The following DYM variants were observed in gnomAD, a reference collection of about 807,000 sequenced individuals.
DYM encodes dymeclin, also known as dyggve-Melchior-Clausen syndrome protein.
A neutral mutation model predicts 93.1 loss-of-function variants in DYM; 78 were observed. The observed-to-expected ratio is 0.84, with a 90% confidence interval of 0.70 to 1.01. The LOEUF (loss-of-function observed/expected upper bound fraction) is 1.01, where lower values mean the gene tolerates loss of function less well. Ranked by LOEUF, DYM falls within the 50% of genes least tolerant of loss-of-function variation. The pLI, the probability that DYM is intolerant of heterozygous loss-of-function variation, is 0.00. For synonymous variants in DYM, 321 were observed against 319.7 expected (o/e 1.00, Z -0.04); for missense variants, 789 against 845.0 (o/e 0.93, Z 0.82).
At chr18:49,292,972 C>T (rs2060260848) in intron 8 of DYM, among the ~76,000 whole-genome samples, 1 of 152,008 alleles carries the variant, frequency 6.6e-6, no homozygotes, top group Non-Finnish European at 1.5e-5. Flanking sequence ...CTATCCCCTC[C>T]TCTAGCCCCT....
chr18:49,390,093 C>T (rs771095762), intron 3 of DYM, among the ~76,000 whole-genome samples: 1 of 152,100 alleles, frequency 6.6e-6, no homozygotes. Context: ...ACAATAACAC[C>T]TTTTCATTAT....
At chr18:49,288,305 T>C (rs561548962) in intron 8 of DYM, among the ~76,000 whole-genome samples, 7 of 152,086 alleles carry the variant, frequency 4.6e-5, no homozygotes, top group Admixed American at 2.0e-4. Context: ...AATCAATAAA[T>C]AATTAGAAAA....
At chr18:49,357,738 G>A (rs116052896) in intron 6 of DYM, among the ~76,000 whole-genome samples, 302 of 152,312 alleles carry the variant, frequency 2.0e-3, no homozygotes, top group African/African-American at 6.7e-3. Flanking sequence ...CAGCAGCAGT[G>A]AGCAAACCAA....
chr18:49,306,540 A>C (rs1292511613), intron 8 of DYM, among the ~76,000 whole-genome samples: 1 of 152,208 alleles, frequency 6.6e-6, no homozygotes, highest in Non-Finnish European at 1.5e-5. Context: ...TTCTAAAAGG[A>C]ATTCAAGGAA....
intron 10 of DYM, 100 bp downstream of exon 10, chr18:49,281,897 T>C (rs1438286077): frequency 8.6e-7 from 1 of 1,162,818 alleles, no homozygotes; most frequent in East Asian, 2.5e-5. Context: ...GGCACATGTA[T>C]ACATATGTAA....
At chr18:49,418,797 C>T (rs1047755749) in intron 2 of DYM, among the ~76,000 whole-genome samples, 1 of 152,142 alleles carries the variant, frequency 6.6e-6, no homozygotes, top group Admixed American at 6.5e-5. Flanking sequence ...GGGGCACCTG[C>T]TACCTCAAAG....
intron 13 of DYM, among the ~76,000 whole-genome samples, chr18:49,238,419 C>T (rs1244716729): frequency 6.6e-6 from 1 of 151,538 alleles, no homozygotes; most frequent in Non-Finnish European, 1.5e-5. Context: ...AATTAATTAG[C>T]TATGTATTAA....
chr18:49,158,564 G>C (rs894809646), intron 15 of DYM, among the ~76,000 whole-genome samples: 3 of 152,112 alleles, frequency 2.0e-5, no homozygotes, highest in Non-Finnish European at 4.4e-5. Context: ...ACCTACCCCA[G>C]CCTTTAAATC....
In DYM at chr18:49,120,455, T is replaced by C. The variant is rs1034411249; in HGVS notation, c.1729-1529A>G. ...GTATACCATACCTTTAAGGGATTGGTTCCAGGACATCCCCCTGCCTCGGAA... is the reference window on the plus strand; with the variant it reads ...GTATACCATACCTTTAAGGGATTGGCTCCAGGACATCCCCCTGCCTCGGAA... On this transcript the variant is annotated intron_variant, in intron 15 of 17. Coordinates refer to ENST00000675505, the MANE Select transcript of DYM (RefSeq NM_001353214.3). Among the ~76,000 whole-genome samples the C allele has an allele frequency of 2.0e-5, 3 of 152,136 alleles. No individual in the cohort carries two copies. The East Asian group carries it at 5.8e-4, about 29-fold the overall frequency.
intron 16 of DYM, among the ~76,000 whole-genome samples, chr18:49,116,888 C>G (rs2081968812): frequency 6.6e-6 from 1 of 152,200 alleles, no homozygotes; most frequent in Admixed American, 6.5e-5. Flanking sequence ...ACTGACACTT[C>G]TCAATTTTAA....
At chr18:49,153,541 G>A (rs1235997000) in intron 15 of DYM, among the ~76,000 whole-genome samples, 7 of 152,144 alleles carry the variant, frequency 4.6e-5, no homozygotes, top group Non-Finnish European at 7.4e-5. Flanking sequence ...AAAGATAAGA[G>A]TAAACTGAGA....
intron 2 of DYM, among the ~76,000 whole-genome samples, chr18:49,405,208 G>C (rs889179249): frequency 2.0e-5 from 3 of 152,094 alleles, no homozygotes; most frequent in Non-Finnish European, 1.5e-5. Context: ...TGTTTACTCT[G>C]TTGATTTTTT....
chr18:49,103,354 C>T (rs28849536), intron 16 of DYM, among the ~76,000 whole-genome samples: 6 of 152,232 alleles, frequency 3.9e-5, no homozygotes, highest in Middle Eastern at 3.4e-3. Context: ...TTCTCCCATT[C>T]TGTAGGTTGC....
intron 7 of DYM, among the ~76,000 whole-genome samples, chr18:49,333,047 A>T (rs1416376921): frequency 2.0e-5 from 3 of 152,202 alleles, no homozygotes; most frequent in Admixed American, 6.5e-5. Flanking sequence ...GGGTAGCAAA[A>T]AGAATATGAA....
At chr18:49,402,354 A>C (rs1298140760) in intron 2 of DYM, among the ~76,000 whole-genome samples, 4 of 152,234 alleles carry the variant, frequency 2.6e-5, no homozygotes, top group African/African-American at 9.6e-5. Flanking sequence ...AGCAGCAGCA[A>C]GATGGTCAGG....
Position 49,142,104 on chromosome 18 carries a change from G to A in DYM, c.1728+21581C>T, listed in dbSNP as rs928771685. On this transcript the variant is annotated intron_variant, in intron 15 of 17. Coordinates refer to ENST00000675505, the MANE Select transcript of DYM (RefSeq NM_001353214.3). ...TCTCGATCTCCTGACCTTGTGATCCGCCCACCTCGGTCTCCCAAAGTGCTG... is the reference window on the plus strand; with the variant it reads ...TCTCGATCTCCTGACCTTGTGATCCACCCACCTCGGTCTCCCAAAGTGCTG... 8.6e-5 allele frequency among the ~76,000 whole-genome samples: 13 copies of A among 151,006 alleles called. No homozygotes were observed. The East Asian group carries it at 1.9e-3, about 23-fold the overall frequency.
intron 6 of DYM, among the ~76,000 whole-genome samples, chr18:49,348,526 C>G (rs1052281516): frequency 6.6e-6 from 1 of 152,010 alleles, no homozygotes; most frequent in Non-Finnish European, 1.5e-5. Flanking sequence ...CCGTTATCGA[C>G]CACATTACCT....
chr18:49,363,531 C>A (rs1026935210), intron 5 of DYM, among the ~76,000 whole-genome samples: 4 of 152,306 alleles, frequency 2.6e-5, no homozygotes, highest in Non-Finnish European at 4.4e-5. Context: ...CACTGTGTTT[C>A]TTTCAATGAA....
intron 13 of DYM, among the ~76,000 whole-genome samples, chr18:49,220,931 T>C (rs1475283388): frequency 1.3e-5 from 2 of 152,210 alleles, no homozygotes; most frequent in Non-Finnish European, 2.9e-5. Context: ...AAAGAGCTTC[T>C]GCACAGCAAA....
Sources: gnomAD v4.1 joint callset for allele counts (sites outside exome capture counted in the v4.1 genomes callset) on GRCh38, gnomAD v4.1.1 for gene constraint, MANE v1.5 for transcripts, NCBI Gene and HGNC (gene_info 2026-07-23, HGNC 2026-07-21) for gene names.